SFSWAP: variants seen among roughly 807,000 people sequenced by gnomAD.
The protein encoded by SFSWAP is splicing factor, suppressor of white-apricot homolog.
In SFSWAP, 17 loss-of-function variants were observed where a neutral mutation model predicts 100.7. That is an observed-to-expected ratio of 0.17 (90% CI 0.12 to 0.25). The LOEUF (loss-of-function observed/expected upper bound fraction) is 0.25, where lower values mean the gene tolerates loss of function less well. Ranked by LOEUF, SFSWAP falls within the 10% of genes least tolerant of loss-of-function variation. The pLI, the probability that SFSWAP is intolerant of heterozygous loss-of-function variation, is 1.00. For missense variants in SFSWAP, 1,005 were observed against 1,262.6 expected (o/e 0.80, Z 3.09); for synonymous variants, 504 against 510.1 (o/e 0.99, Z 0.16).
At chr12:131,768,916 G>A (rs979442894) in intron 13 of SFSWAP, among the ~76,000 whole-genome samples, 1 of 152,146 alleles carries the variant, frequency 6.6e-6, no homozygotes, top group Non-Finnish European at 1.5e-5. Flanking sequence ...TTGAGGCCAG[G>A]AGTTCGAGAT....
At chr12:131,738,237 C>G (rs1303129231) in intron 7 of SFSWAP, among the ~76,000 whole-genome samples, 1 of 152,098 alleles carries the variant, frequency 6.6e-6, no homozygotes, top group Non-Finnish European at 1.5e-5. Flanking sequence ...TCTTTACTTA[C>G]TTTCCAAACC....
At chr12:131,748,279 C>T (rs1307415386) in intron 7 of SFSWAP, among the ~76,000 whole-genome samples, 2 of 151,706 alleles carry the variant, frequency 1.3e-5, no homozygotes, top group East Asian at 1.9e-4. Context: ...CTCCACCTCC[C>T]GGGTTCAAGT....
intron 4 of SFSWAP, among the ~76,000 whole-genome samples, chr12:131,724,163 A>G (rs1164485316): frequency 6.6e-6 from 1 of 152,238 alleles, no homozygotes; most frequent in African/African-American, 2.4e-5. Context: ...CCATGGTAAT[A>G]GAAGTAGTAT....
intron 7 of SFSWAP, 147 bp from the exon 8 acceptor site, chr12:131,752,976 T>C: frequency 8.1e-7 from 1 of 1,227,680 alleles, no homozygotes; most frequent in Non-Finnish European, 1.1e-6. Flanking sequence ...ACTTTTTGTA[T>C]CAGAAAAATC....
chr12:131,773,404 A>G (rs1162586601), intron 13 of SFSWAP, among the ~76,000 whole-genome samples: 3 of 151,716 alleles, frequency 2.0e-5, no homozygotes, highest in African/African-American at 4.9e-5. Flanking sequence ...CAGTGGTACC[A>G]TCACAGCTCA....
chr12:131,781,398 C>T (rs989542696), intron 14 of SFSWAP, among the ~76,000 whole-genome samples: 20 of 151,796 alleles, frequency 1.3e-4, no homozygotes, highest in Admixed American at 2.0e-4. Context: ...CCACCTCGCC[C>T]GGCTAATTTT....
chr12:131,770,263 G>A (rs1883480769), intron 13 of SFSWAP, among the ~76,000 whole-genome samples: 1 of 152,222 alleles, frequency 6.6e-6, no homozygotes. Flanking sequence ...AGGAGGACTT[G>A]AGACAAGACC....
chr12:131,756,703 A>T, intron 11 of SFSWAP, 59 bp downstream of exon 11: 1 of 1,440,486 alleles, frequency 6.9e-7, no homozygotes, highest in South Asian at 1.4e-5. Context: ...CAAGCGTAGG[A>T]TCCTCGGTGA....
At chr12:131,727,553 G>C (rs147874821) in intron 6 of SFSWAP, among the ~76,000 whole-genome samples, 2 of 152,180 alleles carry the variant, frequency 1.3e-5, no homozygotes, top group Admixed American at 6.5e-5. Flanking sequence ...GCTGAGGCAC[G>C]AGAATTGCTT....
chr12:131,754,401 G>T lies in SFSWAP; in HGVS notation c.1356G>T (p.Pro452=). 6.4e-7 allele frequency: 1 copy of T among 1,563,720 alleles called. No homozygotes were observed. The change falls in exon 9 of 18, where the codon CCG becomes CCT. Residue 452 remains proline (P), a synonymous_variant. Coordinates refer to ENST00000261674, the MANE Select transcript of SFSWAP (RefSeq NM_004592.4). ...CCCCCGTGGCCGCCATCATCCCCCC[G>T]CCCCCCGACGTCCAGCCCGTGATTG... ...ALAPVAAIIP[P]PPDVQPVIDK...
Position 131,728,391 on chromosome 12 carries a change from G to A in SFSWAP, c.1044G>A (p.Ala348=), listed in dbSNP as rs773799126. ...STPTPHNADG[A]PVQPSQVEYT... ...CCACCCCACACAACGCAGACGGTGC[G>A]CCTGTGCAGCCCTCCCAGGTGGAGT... Residue 348 remains alanine, a synonymous_variant, in exon 7 of 18, where the codon GCG becomes GCA. Coordinates refer to ENST00000261674, the MANE Select transcript of SFSWAP (RefSeq NM_004592.4). The A allele has an allele frequency of 2.0e-5, 33 of 1,614,090 alleles. No individual in the cohort carries two copies. Among genetic ancestry groups the A allele is most frequent in the South Asian group, 5.5e-5 (5 of 91,090 alleles).
At chr12:131,716,091 A>G (rs1248018748) in intron 3 of SFSWAP, among the ~76,000 whole-genome samples, 4 of 152,222 alleles carry the variant, frequency 2.6e-5, no homozygotes, top group Non-Finnish European at 4.4e-5. Flanking sequence ...TGACTGCACT[A>G]TGGTTCTACC....
In SFSWAP at chr12:131,756,467, C is replaced by T. The variant is rs371113972; in HGVS notation, c.1549-6C>T. 152 of 1,613,038 alleles carry T rather than the reference C, an allele frequency of 9.4e-5. 1 individual carries two copies. Among genetic ancestry groups the T allele is most frequent in the Admixed American group, 2.2e-4 (13 of 59,942 alleles). ...CTGACAGTTTATAGTGACATTTAAT[C>T]TCTAGGCTGTGTCTGCACCAGAAGA... On this transcript the variant is annotated splice_region_variant and splice_polypyrimidine_tract_variant and intron_variant, in intron 10 of 17. Transcript: ENST00000261674.
At chr12:131,780,110 C>G (rs1884381185) in intron 14 of SFSWAP, among the ~76,000 whole-genome samples, 2 of 152,126 alleles carry the variant, frequency 1.3e-5, no homozygotes, top group South Asian at 2.1e-4. Context: ...TTACCCTGGC[C>G]AACACTTAAA....
chr12:131,740,577 A>G (rs1880509795), intron 7 of SFSWAP, among the ~76,000 whole-genome samples: 1 of 152,114 alleles, frequency 6.6e-6, no homozygotes, highest in Admixed American at 6.5e-5. Flanking sequence ...CTTGAAGGAC[A>G]CAGTCTCTTG....
At chr12:131,792,071 T>G (rs1046231410) in intron 15 of SFSWAP, among the ~76,000 whole-genome samples, 1 of 151,614 alleles carries the variant, frequency 6.6e-6, no homozygotes, top group African/African-American at 2.4e-5. Flanking sequence ...ACGTGTGTGT[T>G]CACGGATCAT....
chr12:131,776,810 A>G (rs991268533), intron 13 of SFSWAP, among the ~76,000 whole-genome samples: 3 of 152,268 alleles, frequency 2.0e-5, no homozygotes, highest in Non-Finnish European at 2.9e-5. Flanking sequence ...TTTAACAGCT[A>G]TAATTTAAAA....
At chr12:131,719,659 G>T in intron 4 of SFSWAP, 120 bp downstream of exon 4, 1 of 760,030 alleles carries the variant, frequency 1.3e-6, no homozygotes, top group Non-Finnish European at 2.2e-6. Context: ...CTTTAAAATG[G>T]TTTGTGAGTT....
At chr12:131,751,192 T>G (rs1391708043) in intron 7 of SFSWAP, among the ~76,000 whole-genome samples, 1 of 152,256 alleles carries the variant, frequency 6.6e-6, no homozygotes, top group Admixed American at 6.5e-5. Context: ...TGTTCCAGTG[T>G]GATTGCACTT....
Sources: gnomAD v4.1 joint callset for allele counts (sites outside exome capture counted in the v4.1 genomes callset) on GRCh38, gnomAD v4.1.1 for gene constraint, MANE v1.5 for transcripts, NCBI Gene and HGNC (gene_info 2026-07-23, HGNC 2026-07-21) for gene names.